The following MYO18A variants were observed in gnomAD, a reference collection of about 807,000 sequenced individuals.
MYO18A encodes the protein myosin XVIIIA, also known as unconventional myosin-XVIIIa.
In MYO18A, 78 loss-of-function variants were observed where a neutral mutation model predicts 235.8. The observed-to-expected ratio is 0.33, with a 90% CI of 0.28 to 0.40. The LOEUF (loss-of-function observed/expected upper bound fraction) is 0.40. Ranked by LOEUF, MYO18A falls within the 10% of genes least tolerant of loss-of-function variation. The pLI is 1.00. For synonymous variants in MYO18A, 977 were observed against 1,077.8 expected (o/e 0.91, Z 1.83); for missense variants, 2,215 against 2,699.3 (o/e 0.82, Z 3.98).
chr17:29,161,741 C>T (rs1458946374), intron 2 of MYO18A, among the ~76,000 whole-genome samples: 2 of 152,256 alleles, frequency 1.3e-5, no homozygotes, highest in African/African-American at 2.4e-5. Flanking sequence ...GCCTTCTCCT[C>T]TCCCAGGCCC....
chr17:29,109,456 A>G lies in MYO18A; in HGVS notation c.3331+402T>C, dbSNP rs1339712997. 1.3e-5 allele frequency among the ~76,000 whole-genome samples: 2 copies of G among 152,194 alleles called. No homozygotes were observed. The highest frequency in any genetic ancestry group is 4.1e-4 in the South Asian group (2 of 4,826). On this transcript the variant is annotated intron_variant, in intron 19 of 41. Transcript: ENST00000527372. The surrounding 1 kb of genome is among the most constrained non-coding windows in gnomAD (Gnocchi z 4.1). ...TGTCTGACCTTTCTTGGGAATTTTA[A>G]GTACTTCAGAAAGATTTAGCACCTC...
intron 2 of MYO18A, among the ~76,000 whole-genome samples, chr17:29,129,826 C>T (rs922781064): frequency 2.6e-5 from 4 of 152,200 alleles, no homozygotes; most frequent in East Asian, 3.9e-4. Flanking sequence ...AGGTTGGCTC[C>T]GCTGAAGGGA....
rs2065931724 is a variant in MYO18A, at chr17:29,074,618, C to G, written c.*152G>C. 1.3e-6 allele frequency: 1 copy of G among 790,160 alleles called. No individual in the cohort carries two copies. Among genetic ancestry groups the G allele is most frequent in the African/African-American group, 1.7e-5 (1 of 57,982 alleles). The allele number at this position is 790,160 out of a possible 1,614,324, so 48.9% of individuals were successfully genotyped here. A position where few individuals can be genotyped will look rare whatever the true frequency, so the allele number is the denominator to read the frequency against. On this transcript the variant is annotated 3_prime_UTR_variant, in exon 42 of 42. Coordinates refer to ENST00000527372, the MANE Select transcript of MYO18A (RefSeq NM_078471.4). This position sits in a 1 kb window ranked among gnomAD's most constrained non-coding sequence, Gnocchi z 4.4. ...ACGTGGAGACATCAGACACCCATAGCCTGGAAAGTGCCCCTGACAGAAGAA... is the reference window on the plus strand; with the variant it reads ...ACGTGGAGACATCAGACACCCATAGGCTGGAAAGTGCCCCTGACAGAAGAA...
Position 29,074,959 on chromosome 17 carries a change from C to G in MYO18A, c.6021-45G>C, listed in dbSNP as rs1260303159. ...AGGTTAGGGACAAATGACACTCCTA[C>G]CATTAAGCACGCACGCCTTTGGTTC... On this transcript the variant is annotated intron_variant, in intron 41 of 41. Transcript: ENST00000527372. The surrounding 1 kb of genome is among the most constrained non-coding windows in gnomAD (Gnocchi z 4.4). 1 of 1,606,996 alleles carries G rather than the reference C, an allele frequency of 6.2e-7. No homozygotes were observed. Among genetic ancestry groups the G allele is most frequent in the Admixed American group, 1.7e-5 (1 of 59,834 alleles).
At position 29,096,941 on chromosome 17, in the gene MYO18A, A is replaced by G; in HGVS notation, c.4231-26T>C. On this transcript the variant is annotated intron_variant, in intron 27 of 41. Transcript: ENST00000527372. ...CTAGGGGCCAAGATGGGGTGCATAT[A>G]CAGAGAGACCCAGAAGCATAGGTGG... 3 of 1,526,320 alleles carry G rather than the reference A, an allele frequency of 2.0e-6. No individual in the cohort carries two copies. In the South Asian group the frequency reaches 3.7e-5, roughly 19 times the overall value. The allele number at this position is 1,526,320 out of a possible 1,614,324, so 94.5% of individuals were successfully genotyped here. A position where few individuals can be genotyped will look rare whatever the true frequency, so the allele number is the denominator to read the frequency against.
chr17:29,092,210 GCAAGTCCTGGCGTGAAAGGACCTGTCA>G (rs1238096582), intron 34 of MYO18A, 106 bp downstream of exon 34: 12 of 663,938 alleles, frequency 1.8e-5, no homozygotes, highest in South Asian at 1.8e-5. Flanking sequence ...TCTTCCTGCA[GCAAGTCCTGGCGTGAAAGGACCTGTCA>G]CAAGTCCTGA....
chr17:29,166,443 C>T lies in MYO18A; in HGVS notation c.498G>A (p.Gln166=). 2 of 1,613,866 alleles carry T rather than the reference C, an allele frequency of 1.2e-6. No individual in the cohort carries two copies. Among genetic ancestry groups the T allele is most frequent in the Non-Finnish European group, 1.7e-6 (2 of 1,179,898 alleles). ...GTCCCTCTAGAGTCCTCACCTCCAC[C>T]TGTGGCGAGGGGGCGGCAGAGTGCT... is the stretch of plus-strand genomic sequence containing the variant. ...PSEHSAAPSP[Q]VEVRTLEGQL... is the part of the protein sequence containing the mutation. Residue 166 remains glutamine, a synonymous_variant, in exon 2 of 42, where the codon CAG becomes CAA. Coordinates refer to ENST00000527372, the MANE Select transcript of MYO18A (RefSeq NM_078471.4).
At chr17:29,075,008 G>C (rs2152704147) in intron 41 of MYO18A, 94 bp from the exon 42 acceptor site, 3 of 1,485,766 alleles carry the variant, frequency 2.0e-6, no homozygotes, top group Middle Eastern at 1.8e-4. Context: ...AGCTGCGTCA[G>C]AGCACTCCCC....
chr17:29,082,393 G>T lies in MYO18A; in HGVS notation c.5943C>A (p.Asp1981Glu). ...DVDSELEDRVDGVKSWLSKNK... is the reference protein window; with the variant it reads ...DVDSELEDRVEGVKSWLSKNK... ...TTTTTGACAACCAGGACTTGACCCC[G>T]TCAACACGGTCCTCCAGCTCCGAGT... The change falls in exon 41 of 42, where the codon GAC (aspartate) becomes GAA (glutamate). Residue 1981 changes from aspartate to glutamate, a missense_variant. Asp to Glu is a conservative substitution (Grantham distance 45). Transcript: ENST00000527372. 1 of 1,613,768 alleles carries T rather than the reference G, an allele frequency of 6.2e-7. No individual in the cohort carries two copies. Among genetic ancestry groups the T allele is most frequent in the Middle Eastern group, 1.7e-4 (1 of 5,960 alleles).
intron 2 of MYO18A, among the ~76,000 whole-genome samples, chr17:29,160,334 T>C (rs2068146226): frequency 6.6e-6 from 1 of 152,194 alleles, no homozygotes; most frequent in African/African-American, 2.4e-5. Flanking sequence ...TCTGGGAGGA[T>C]AGAATAGGCC....
At chr17:29,154,307 A>G (rs576347014) in intron 2 of MYO18A, among the ~76,000 whole-genome samples, 52 of 151,776 alleles carry the variant, frequency 3.4e-4, no homozygotes, top group African/African-American at 1.2e-3. Context: ...AGGGTGGCTC[A>G]CCTCCCTCGA....
chr17:29,149,153 G>C (rs1021805193), intron 2 of MYO18A, among the ~76,000 whole-genome samples: 1 of 152,252 alleles, frequency 6.6e-6, no homozygotes, highest in African/African-American at 2.4e-5. Flanking sequence ...GCCCGAGGGG[G>C]CTGCGGCGGC....
intron 21 of MYO18A, among the ~76,000 whole-genome samples, chr17:29,100,444 G>A (rs189951918): frequency 1.6e-4 from 25 of 152,328 alleles, no homozygotes; most frequent in South Asian, 1.5e-3. Flanking sequence ...TGAGGTGGGC[G>A]GGGGTTGGCC....
chr17:29,176,618 C>CCCG (rs1298809660), intron 1 of MYO18A: 1 of 152,238 alleles, frequency 6.6e-6, no homozygotes, highest in Non-Finnish European at 1.5e-5. Flanking sequence ...CGGCTCTCTC[C>CCCG]CCGCGCTCTG....
Position 29,092,895 on chromosome 17 carries a change from C to T in MYO18A, c.5033G>A (p.Ser1678Asn), listed in dbSNP as rs779819699. 6 of 1,613,956 alleles carry T rather than the reference C, an allele frequency of 3.7e-6. No homozygotes were observed. The South Asian group carries it at 6.6e-5, about 18-fold the overall frequency. ...AQLMLDHLKN[S>N]APSKREIAQL... ...GGCAATCTCTCGCTTGCTGGGAGCACTGTTCTTCAGGTGGTCCAGCATGAG... is the reference window on the plus strand; with the variant it reads ...GGCAATCTCTCGCTTGCTGGGAGCATTGTTCTTCAGGTGGTCCAGCATGAG... The change falls in exon 33 of 42, where the codon AGT becomes AAT. Residue 1678 changes from serine to asparagine, a missense_variant. Physicochemically the swap from Ser to Asn is conservative, Grantham distance 46. Coordinates refer to ENST00000527372, the MANE Select transcript of MYO18A (RefSeq NM_078471.4).
At chr17:29,159,996 G>A (rs571975110) in intron 2 of MYO18A, among the ~76,000 whole-genome samples, 6 of 152,288 alleles carry the variant, frequency 3.9e-5, no homozygotes, top group Non-Finnish European at 5.9e-5. Context: ...AAATCCAGAC[G>A]AAAGCATCAG....
chr17:29,078,673 A>C (rs2066043734), intron 41 of MYO18A: 1 of 152,264 alleles, frequency 6.6e-6, no homozygotes, highest in African/African-American at 2.4e-5. Context: ...TCACATAAGC[A>C]GGGTGATCTA....
intron 1 of MYO18A, among the ~76,000 whole-genome samples, chr17:29,178,571 G>C (rs1359312884): frequency 6.6e-6 from 1 of 152,046 alleles, no homozygotes; most frequent in Non-Finnish European, 1.5e-5. Context: ...GTCAAATCCA[G>C]AAACCAGGAG....
rs980339991 is a variant in MYO18A, at chr17:29,071,666, A to G, written c.*3104T>C. On this transcript the variant is annotated 3_prime_UTR_variant, in exon 42 of 42. Transcript: ENST00000527372. ...GAGGCTTTCCCAATCCTCCCCGCCA[A>G]AGAGAGCATCTCCCTCCATAGTATG... is the stretch of plus-strand genomic sequence containing the variant. 2.0e-5 allele frequency: 3 copies of G among 152,226 alleles called. No homozygotes were observed. The highest frequency in any genetic ancestry group is 4.4e-5 in the Non-Finnish European group (3 of 68,050). The allele number at this position is 152,226 out of a possible 1,614,324, so 9.4% of individuals were successfully genotyped here.
Sources: allele counts gnomAD v4.1 joint callset (sites outside exome capture counted in the v4.1 genomes callset), GRCh38; gene constraint gnomAD v4.1.1; non-coding constraint Gnocchi (gnomAD v3.1); transcripts MANE v1.5; gene names NCBI Gene and HGNC (gene_info 2026-07-23, HGNC 2026-07-21).